Variants in CWC27 observed in about 807,000 individuals in gnomAD.
CWC27 encodes CWC27 spliceosome associated cyclophilin.
Under a neutral mutation model 63.6 loss-of-function variants are expected in CWC27, and 47 were observed. That is an observed-to-expected ratio of 0.74 (90% confidence interval 0.58 to 0.94). CWC27 has a LOEUF of 0.94. Among genes scored for constraint, CWC27 ranks in the 40% least tolerant of loss-of-function variants. The pLI is 0.00. For missense variants in CWC27, 495 were observed against 554.3 expected (o/e 0.89, Z 1.07); for synonymous variants, 175 against 179.8 (o/e 0.97, Z 0.22).
Position 64,784,467 on chromosome 5 carries a change from A to G in CWC27, c.396+488A>G, listed in dbSNP as rs75428768. Among the ~76,000 whole-genome samples, 72 of 152,334 alleles carry G rather than the reference A, an allele frequency of 4.7e-4. 1 individual carries two copies. Among genetic ancestry groups the G allele is most frequent in the African/African-American group, 1.7e-3 (70 of 41,576 alleles). On this transcript the variant is annotated intron_variant, in intron 4 of 13. Coordinates refer to ENST00000381070, the MANE Select transcript of CWC27 (RefSeq NM_005869.4). The stretch of plus-strand genomic sequence containing the variant: ...TGTCATATTAGGGAACGTCCTTTCT[A>G]TAGAATTTTTAACAATTCCCTTTAA...
rs186588078 is a variant in CWC27, at chr5:64,897,794, C to T, written c.1042+12248C>T. Among the ~76,000 whole-genome samples, 12 of 152,192 alleles carry T rather than the reference C, an allele frequency of 7.9e-5. No homozygotes were observed. In the East Asian group the frequency reaches 2.1e-3, roughly 27 times the overall value. ...CAAATCGTTAAGGCAAAATGTATTA[C>T]TAGGCCTAGAATCTCCACATAACAC... On this transcript the variant is annotated intron_variant, in intron 11 of 13. Coordinates refer to ENST00000381070, the MANE Select transcript of CWC27 (RefSeq NM_005869.4).
At chr5:64,886,643 T>G (rs889152251) in intron 11 of CWC27, among the ~76,000 whole-genome samples, 1 of 152,104 alleles carries the variant, frequency 6.6e-6, no homozygotes, top group Non-Finnish European at 1.5e-5. Flanking sequence ...CAGATAACTA[T>G]TTAAAGGGCG....
At chr5:65,006,960 CAGAAAGA>C (rs1469946872) in intron 13 of CWC27, among the ~76,000 whole-genome samples, 6 of 121,116 alleles carry the variant, frequency 5.0e-5, no homozygotes, top group African/African-American at 1.9e-4. Context: ...TTTAAAAAGA[CAGAAAGA>C]AAGAAAGAAA....
intron 11 of CWC27, among the ~76,000 whole-genome samples, chr5:64,926,452 AT>A (rs1031048436): frequency 2.0e-5 from 3 of 151,626 alleles, no homozygotes; most frequent in Non-Finnish European, 2.9e-5. Context: ...GTACATTAGG[AT>A]TTTGTATTTG....
intron 10 of CWC27, among the ~76,000 whole-genome samples, chr5:64,875,520 C>G (rs1746774797): frequency 6.6e-6 from 1 of 152,056 alleles, no homozygotes; most frequent in Non-Finnish European, 1.5e-5. Context: ...GTATGCATTT[C>G]TTTGTTGACT....
chr5:64,780,774 T>C (rs1402803192), intron 2 of CWC27, among the ~76,000 whole-genome samples: 2 of 151,824 alleles, frequency 1.3e-5, no homozygotes, highest in Non-Finnish European at 2.9e-5. Context: ...TTTACACTAT[T>C]TTATATTCCC....
At chr5:64,987,120 C>A (rs1561180356) in intron 13 of CWC27, among the ~76,000 whole-genome samples, 1 of 151,746 alleles carries the variant, frequency 6.6e-6, no homozygotes, top group African/African-American at 2.4e-5. Context: ...TACAGGTGCA[C>A]AATGTGCAGG....
chr5:64,890,924 A>G (rs1294360774), intron 11 of CWC27, among the ~76,000 whole-genome samples: 19 of 152,188 alleles, frequency 1.2e-4, no homozygotes, highest in Admixed American at 1.2e-3. Flanking sequence ...TTATTGGGCT[A>G]ACAACAAATT....
chr5:64,810,707 A>G (rs549589799), intron 10 of CWC27, among the ~76,000 whole-genome samples: 30 of 152,194 alleles, frequency 2.0e-4, no homozygotes, highest in African/African-American at 6.7e-4. Flanking sequence ...ATACTTTATC[A>G]AAGCTCTGTA....
chr5:64,895,729 A>G (rs1747357627), intron 11 of CWC27, among the ~76,000 whole-genome samples: 1 of 152,222 alleles, frequency 6.6e-6, no homozygotes, highest in African/African-American at 2.4e-5. Flanking sequence ...GCTTGAAAAT[A>G]TAAAGAACAC....
rs532376368 is a variant in CWC27 at position 64,986,685 on chromosome 5, G to GC, written c.1256+9455dup. 3.2e-3 allele frequency among the ~76,000 whole-genome samples: 480 copies of GC among 151,212 alleles called. 3 individuals carry two copies. The highest frequency in any genetic ancestry group is 9.0e-3 in the African/African-American group (371 of 41,022). ...ACCTGATGCTTTTTGTTTTATCAGA[G>GC]CCCCCCCCGGACTGGGCCCCCAGGA... On this transcript the variant is annotated intron_variant, in intron 13 of 13. Coordinates refer to ENST00000381070, the MANE Select transcript of CWC27 (RefSeq NM_005869.4).
intron 13 of CWC27, 100 bp from the exon 14 acceptor site, chr5:65,018,059 T>G: frequency 1.9e-6 from 2 of 1,075,872 alleles, no homozygotes; most frequent in Non-Finnish European, 2.6e-6. Context: ...CTTGGTGTTC[T>G]GTATGCTTAT....
chr5:64,940,411 C>A (rs1381913356), intron 11 of CWC27, among the ~76,000 whole-genome samples: 1 of 152,184 alleles, frequency 6.6e-6, no homozygotes, highest in Admixed American at 6.5e-5. Flanking sequence ...CAGCGCCCCA[C>A]CCTGTTTCGG....
intron 10 of CWC27, among the ~76,000 whole-genome samples, chr5:64,825,758 C>T (rs576355266): frequency 1.2e-3 from 179 of 152,138 alleles, no homozygotes; most frequent in African/African-American, 4.2e-3. Flanking sequence ...CTTGGTGGGG[C>T]GATGGACTCC....
At chr5:64,803,842 A>C (rs1253751585) in intron 9 of CWC27, among the ~76,000 whole-genome samples, 3 of 152,074 alleles carry the variant, frequency 2.0e-5, no homozygotes, top group Non-Finnish European at 2.9e-5. Context: ...CACCTCTTCT[A>C]CTTGAATTGA....
Position 64,794,245 on chromosome 5 carries a change from AC to A in CWC27, c.669+5226del, listed in dbSNP as rs138317467. 2.3e-3 allele frequency among the ~76,000 whole-genome samples: 349 copies of A among 152,256 alleles called. 1 individual carries two copies. Among genetic ancestry groups the A allele is most frequent in the African/African-American group, 7.9e-3 (330 of 41,560 alleles). On this transcript the variant is annotated intron_variant, in intron 7 of 13. Coordinates refer to ENST00000381070, the MANE Select transcript of CWC27 (RefSeq NM_005869.4). ...CTCTCTCATGATATTCTTGTAGACA[AC>A]AAGAAGAAATGTGATCTGGGAGATA...
intron 11 of CWC27, among the ~76,000 whole-genome samples, chr5:64,888,013 G>T (rs1234795607): frequency 6.6e-6 from 1 of 151,842 alleles, no homozygotes; most frequent in Non-Finnish European, 1.5e-5. Context: ...AAATCAAATG[G>T]TCTACTTAGT....
At chr5:64,808,257 T>C (rs1039044928) in intron 10 of CWC27, 8 of 995,694 alleles carry the variant, frequency 8.0e-6, no homozygotes, top group Non-Finnish European at 9.6e-6. Context: ...AATATTAATT[T>C]TTATCCCTAC....
intron 10 of CWC27, among the ~76,000 whole-genome samples, chr5:64,811,202 G>A (rs892433182): frequency 1.3e-5 from 2 of 152,014 alleles, no homozygotes; most frequent in African/African-American, 4.8e-5. Context: ...AAAGCTTATT[G>A]TAAAGAATCC....
Sources: gnomAD v4.1 joint callset for allele counts (sites outside exome capture counted in the v4.1 genomes callset) on GRCh38, gnomAD v4.1.1 for gene constraint, MANE v1.5 for transcripts, NCBI Gene and HGNC (gene_info 2026-07-23, HGNC 2026-07-21) for gene names.